LDLRAD4: variants seen among roughly 807,000 people sequenced by gnomAD.
LDLRAD4 encodes the protein low-density lipoprotein receptor class A domain-containing protein 4.
A neutral mutation model predicts 17.0 loss-of-function variants in LDLRAD4; 5 were observed. The observed-to-expected ratio is 0.29, with a 90% confidence interval of 0.15 to 0.62. The LOEUF (loss-of-function observed/expected upper bound fraction) is 0.62. Among genes scored for constraint, LDLRAD4 ranks in the 20% least tolerant of loss-of-function variants. LDLRAD4 has a pLI of 0.84. For missense variants in LDLRAD4, 340 were observed against 424.7 expected (o/e 0.80, Z 1.75); for synonymous variants, 168 against 171.8 (o/e 0.98, Z 0.17).
At chr18:13,377,913 T>C (rs562693200) in intron 1 of LDLRAD4, among the ~76,000 whole-genome samples, 124 of 152,272 alleles carry the variant, frequency 8.1e-4, no homozygotes, top group Middle Eastern at 3.4e-3. Flanking sequence ...GGATACCGAG[T>C]TGTGAAAAAT....
intron 3 of LDLRAD4, among the ~76,000 whole-genome samples, chr18:13,467,087 C>G (rs981253251): frequency 6.6e-6 from 1 of 152,150 alleles, no homozygotes; most frequent in African/African-American, 2.4e-5. Flanking sequence ...AGACAAGGAA[C>G]AAGAGAGGAT....
At chr18:13,276,139 G>T (rs1268625569), upstream of LDLRAD4, among the ~76,000 whole-genome samples, 1 of 152,078 alleles carries the variant, frequency 6.6e-6, no homozygotes, top group Non-Finnish European at 1.5e-5. Flanking sequence ...CTCCCGAGTA[G>T]CTGGAACTAC....
At position 13,243,479 on chromosome 18, in the gene LDLRAD4, C is replaced by T. The variant is rs146629674; in HGVS notation, c.-467+24491C>T. Among the ~76,000 whole-genome samples, 56 of 151,200 alleles carry T rather than the reference C, an allele frequency of 3.7e-4. 2 individuals are homozygous for T. In the East Asian group the frequency reaches 0.01, roughly 28 times the overall value. ...CCACTCGTTCATCTGTCCTTCCATC[C>T]GTGCACCTACCCACCCGTTCCTCTA... On this transcript the variant is annotated intron_variant, in intron 1 of 5. Coordinates refer to the LDLRAD4 transcript ENST00000399848.
At chr18:13,325,978 AG>A (rs2081514700) in intron 1 of LDLRAD4, among the ~76,000 whole-genome samples, 1 of 151,880 alleles carries the variant, frequency 6.6e-6, no homozygotes, top group East Asian at 1.9e-4. Context: ...TGTATTAGCC[AG>A]GATGTTCTTG....
At chr18:13,463,151 C>T (rs1335300713) in intron 3 of LDLRAD4, among the ~76,000 whole-genome samples, 4 of 152,208 alleles carry the variant, frequency 2.6e-5, no homozygotes, top group African/African-American at 9.6e-5. Context: ...TGTGTGTGTG[C>T]ACCTAGGGAA....
At chr18:13,502,630 G>A (rs2093630105) in intron 3 of LDLRAD4, among the ~76,000 whole-genome samples, 1 of 151,786 alleles carries the variant, frequency 6.6e-6, no homozygotes, top group Non-Finnish European at 1.5e-5. Flanking sequence ...AAAGGAACAA[G>A]CCGTGTAGCT....
chr18:13,512,308 C>T lies in LDLRAD4; in HGVS notation c.181+73924C>T, dbSNP rs565187986. Among the ~76,000 whole-genome samples the T allele has an allele frequency of 7.9e-5, 12 of 152,246 alleles. No individual in the cohort carries two copies. In the South Asian group the frequency reaches 2.5e-3, roughly 32 times the overall value. ...GATACAGGAATGATCTTCCTAAAAC[C>T]CTACATAACTATAGCCACTCAGTCA... is the stretch of plus-strand genomic sequence containing the variant. On this transcript the variant is annotated intron_variant, in intron 3 of 5. Coordinates refer to ENST00000359446, the Ensembl canonical transcript of LDLRAD4.
At chr18:13,323,213 A>G (rs1442528028) in intron 1 of LDLRAD4, among the ~76,000 whole-genome samples, 1 of 152,218 alleles carries the variant, frequency 6.6e-6, no homozygotes, top group Non-Finnish European at 1.5e-5. Context: ...TTTTCTGCAT[A>G]CATTTCTTTT....
intron 3 of LDLRAD4, among the ~76,000 whole-genome samples, chr18:13,479,180 A>G (rs961564393): frequency 6.6e-6 from 1 of 152,254 alleles, no homozygotes; most frequent in African/African-American, 2.4e-5. Flanking sequence ...CTCCTAGAAG[A>G]TAACATAGGA....
At chr18:13,608,808 C>T (rs966618002) in intron 3 of LDLRAD4, among the ~76,000 whole-genome samples, 5 of 152,188 alleles carry the variant, frequency 3.3e-5, no homozygotes, top group Non-Finnish European at 7.3e-5. Context: ...TGCGTTTCCT[C>T]CTAAGGACTG....
chr18:13,381,300 T>C (rs2085344230), intron 1 of LDLRAD4, among the ~76,000 whole-genome samples: 1 of 152,172 alleles, frequency 6.6e-6, no homozygotes, highest in African/African-American at 2.4e-5. Context: ...ACACCTGGGC[T>C]CAAGCAATCC....
rs146047695 is a variant in LDLRAD4, at chr18:13,363,846, A to G, written c.-382-23495A>G. Among the ~76,000 whole-genome samples, 685 of 152,188 alleles carry G rather than the reference A, an allele frequency of 4.5e-3. 5 individuals carry two copies. The highest frequency in any genetic ancestry group is 0.016 in the African/African-American group (657 of 41,520). ...ATTGGCAAATTAACAGCACTAGAGT[A>G]CTCTTTTGGTGGAACTGTAATGCAG... On this transcript the variant is annotated intron_variant, in intron 1 of 5. Coordinates refer to ENST00000359446, the Ensembl canonical transcript of LDLRAD4.
chr18:13,283,899 A>T (rs117922283), intron 1 of LDLRAD4, among the ~76,000 whole-genome samples: 2 of 152,198 alleles, frequency 1.3e-5, no homozygotes, highest in Non-Finnish European at 2.9e-5. Context: ...GGCAAAAGGC[A>T]CTTCTTACAG....
At chr18:13,409,867 T>C (rs930438375) in intron 2 of LDLRAD4, among the ~76,000 whole-genome samples, 7 of 152,216 alleles carry the variant, frequency 4.6e-5, no homozygotes, top group African/African-American at 1.7e-4. Context: ...AAAGTGTCTT[T>C]CCAAGTATAA....
At chr18:13,517,443 A>G (rs1328798156) in intron 3 of LDLRAD4, among the ~76,000 whole-genome samples, 1 of 152,156 alleles carries the variant, frequency 6.6e-6, no homozygotes, top group Non-Finnish European at 1.5e-5. Flanking sequence ...CCGTTTTGGA[A>G]AGAGCTTCCT....
At chr18:13,237,729 C>T (rs2042407059) in intron 1 of LDLRAD4, among the ~76,000 whole-genome samples, 1 of 152,214 alleles carries the variant, frequency 6.6e-6, no homozygotes, top group Non-Finnish European at 1.5e-5. Context: ...CTCAGTTTCC[C>T]CATGGAGAAC....
intron 3 of LDLRAD4, among the ~76,000 whole-genome samples, chr18:13,575,461 C>T (rs533344127): frequency 6.6e-6 from 1 of 152,326 alleles, no homozygotes; most frequent in South Asian, 2.1e-4. Flanking sequence ...TCTTTATCCA[C>T]TCATTGATTG....
chr18:13,306,828 G>T (rs1163976796), intron 1 of LDLRAD4, among the ~76,000 whole-genome samples: 1 of 152,160 alleles, frequency 6.6e-6, no homozygotes, highest in Non-Finnish European at 1.5e-5. Context: ...AAATAAAAAG[G>T]TGCGCCAGGG....
intron 1 of LDLRAD4, among the ~76,000 whole-genome samples, chr18:13,369,125 C>T (rs372519025): frequency 2.0e-5 from 3 of 152,182 alleles, no homozygotes; most frequent in African/African-American, 2.4e-5. Context: ...ATGGGAGGAC[C>T]GTGTGCTTTT....
Sources: allele counts gnomAD v4.1 joint callset (sites outside exome capture counted in the v4.1 genomes callset), GRCh38; gene constraint gnomAD v4.1.1; transcripts MANE v1.5; gene names NCBI Gene and HGNC (gene_info 2026-07-23, HGNC 2026-07-21).